The following DPP10 variants were observed in gnomAD, a reference collection of about 807,000 sequenced individuals.
DPP10 encodes inactive dipeptidyl peptidase 10.
In DPP10, 33 loss-of-function variants were observed where a neutral mutation model predicts 120.9. The observed-to-expected ratio is 0.27, with a 90% CI of 0.21 to 0.37. The LOEUF (loss-of-function observed/expected upper bound fraction) is 0.37. Ranked by LOEUF, DPP10 falls within the 10% of genes least tolerant of loss-of-function variation. The probability of loss-of-function intolerance (pLI) is 1.00; values close to 1 mark genes in which losing one functional copy is unlikely to be tolerated. For synonymous variants in DPP10, 337 were observed against 326.1 expected, an observed-to-expected ratio of 1.03 and a Z score of -0.36; for missense variants, 816 against 942.8, an observed-to-expected ratio of 0.87 and a Z score of 1.76.
chr2:114,891,959 G>T lies in DPP10; in HGVS notation c.61-417280G>T, dbSNP rs549279454. Among the ~76,000 whole-genome samples, 5 of 152,214 alleles carry T rather than the reference G, an allele frequency of 3.3e-5. No homozygotes were observed. The East Asian group carries it at 9.7e-4, about 29-fold the overall frequency. ...TGTCTGTCTGTCTGTCTGTCTGTCT[G>T]CCTGATTCATTGGCACATGTCTTTT... On this transcript the variant is annotated intron_variant, in intron 1 of 25. Transcript: ENST00000410059.
intron 1 of DPP10, among the ~76,000 whole-genome samples, chr2:115,174,885 C>G (rs891668829): frequency 2.6e-5 from 4 of 152,198 alleles, no homozygotes; most frequent in Non-Finnish European, 5.9e-5. Flanking sequence ...GCCAACATTG[C>G]TTGTCGGGTT....
intron 1 of DPP10, among the ~76,000 whole-genome samples, chr2:114,690,888 G>T (rs1699696245): frequency 6.6e-6 from 1 of 152,018 alleles, no homozygotes; most frequent in South Asian, 2.1e-4. Context: ...CAGTGCATAG[G>T]AATGCTAGCA....
intron 1 of DPP10, among the ~76,000 whole-genome samples, chr2:115,177,896 TGG>T (rs2053809918): frequency 1.3e-5 from 2 of 152,132 alleles, no homozygotes; most frequent in Non-Finnish European, 2.9e-5. Flanking sequence ...CCTGAGTACC[TGG>T]GACTACAGGT....
intron 1 of DPP10, among the ~76,000 whole-genome samples, chr2:114,648,324 G>A (rs748183356): frequency 6.0e-5 from 9 of 150,694 alleles, no homozygotes; most frequent in Non-Finnish European, 1.2e-4. Context: ...TAACTTGTTG[G>A]CTAGCAAGTA....
chr2:115,524,575 T>C (rs2078015166), intron 4 of DPP10, among the ~76,000 whole-genome samples: 1 of 152,134 alleles, frequency 6.6e-6, no homozygotes, highest in Non-Finnish European at 1.5e-5. Flanking sequence ...GCATGATTTA[T>C]TCAATCACTG....
At chr2:115,425,331 A>G (rs1337182087) in intron 3 of DPP10, among the ~76,000 whole-genome samples, 1 of 152,188 alleles carries the variant, frequency 6.6e-6, no homozygotes, top group African/African-American at 2.4e-5. Flanking sequence ...TCAACTAAGT[A>G]CTATTGTGTA....
intron 1 of DPP10, among the ~76,000 whole-genome samples, chr2:114,911,504 G>GTT (rs1694367017): frequency 6.6e-6 from 1 of 152,132 alleles, no homozygotes; most frequent in African/African-American, 2.4e-5. Flanking sequence ...TCATTGCAAG[G>GTT]TTCATAAGCT....
At chr2:115,799,382 C>T (rs1230611790) in intron 19 of DPP10, among the ~76,000 whole-genome samples, 1 of 151,762 alleles carries the variant, frequency 6.6e-6, no homozygotes, top group Non-Finnish European at 1.5e-5. Context: ...CAAAAAAAGT[C>T]CATCTATATA....
At chr2:114,595,775 T>G (rs767058699) in intron 1 of DPP10, among the ~76,000 whole-genome samples, 2 of 152,102 alleles carry the variant, frequency 1.3e-5, no homozygotes, top group Non-Finnish European at 2.9e-5. Context: ...CATTGTGGCC[T>G]AAACAAAGAG....
rs190909815 is a variant in DPP10, at chr2:115,202,626, C to A, written c.61-106613C>A. 4.8e-3 allele frequency among the ~76,000 whole-genome samples: 735 copies of A among 152,252 alleles called. 5 individuals are homozygous for A. The highest frequency in any genetic ancestry group is 0.016 in the African/African-American group (671 of 41,546). Reference sequence around the variant, plus strand: ...ATTCTGCATAGCTTTACTTGCTTTTCATATTTCTCTATGTAATGGGGATAT... The same window carrying A: ...ATTCTGCATAGCTTTACTTGCTTTTAATATTTCTCTATGTAATGGGGATAT... On this transcript the variant is annotated intron_variant, in intron 1 of 25. Transcript: ENST00000410059.
At chr2:114,782,209 A>G (rs1214402920) in intron 1 of DPP10, among the ~76,000 whole-genome samples, 1 of 151,774 alleles carries the variant, frequency 6.6e-6, no homozygotes, top group Non-Finnish European at 1.5e-5. Context: ...ATAGTCTTCT[A>G]TTTTTCTTTT....
chr2:114,688,543 G>A (rs1010422158), intron 1 of DPP10, among the ~76,000 whole-genome samples: 1 of 151,964 alleles, frequency 6.6e-6, no homozygotes, highest in African/African-American at 2.4e-5. Flanking sequence ...GGTCCTAGGA[G>A]ACAGCACTTT....
chr2:114,701,625 C>T lies in DPP10; in HGVS notation c.60+258787C>T, dbSNP rs1700388361. Among the ~76,000 whole-genome samples, 4 of 152,170 alleles carry T rather than the reference C, an allele frequency of 2.6e-5. No individual in the cohort carries two copies. In the South Asian group the frequency reaches 8.3e-4, roughly 32 times the overall value. ...AAAAGTATAATCAGTAATGTTAGTG[C>T]CACCCTTTGACAGAAGTTTATTTAA... On this transcript the variant is annotated intron_variant, in intron 1 of 25. Coordinates refer to ENST00000410059, the MANE Select transcript of DPP10 (RefSeq NM_020868.6).
At chr2:114,540,724 A>G (rs572882613) in intron 1 of DPP10, among the ~76,000 whole-genome samples, 1 of 152,338 alleles carries the variant, frequency 6.6e-6, no homozygotes, top group Admixed American at 6.5e-5. Context: ...GGGCTTAAGG[A>G]AAAGGAGTCT....
At chr2:115,210,205 G>A (rs1346216389) in intron 1 of DPP10, among the ~76,000 whole-genome samples, 2 of 152,046 alleles carry the variant, frequency 1.3e-5, no homozygotes, top group East Asian at 3.9e-4. Flanking sequence ...GGTGTGTGGT[G>A]TTCCCCATCC....
intron 3 of DPP10, among the ~76,000 whole-genome samples, chr2:115,475,612 G>A (rs1056777565): frequency 1.3e-5 from 2 of 152,102 alleles, no homozygotes; most frequent in African/African-American, 4.8e-5. Context: ...CCCCAGAATG[G>A]TAGATCCACC....
chr2:115,495,270 A>G (rs1351119075), intron 3 of DPP10, among the ~76,000 whole-genome samples: 1 of 149,546 alleles, frequency 6.7e-6, no homozygotes, highest in Non-Finnish European at 1.5e-5. Flanking sequence ...GAACACAGAA[A>G]GGCAGGAATC....
chr2:115,249,646 C>T (rs2058673470), intron 1 of DPP10, among the ~76,000 whole-genome samples: 1 of 152,120 alleles, frequency 6.6e-6, no homozygotes, highest in South Asian at 2.1e-4. Flanking sequence ...CTGCAGATAG[C>T]AAGCCTTTTG....
chr2:115,347,763 G>A (rs1297985051), intron 3 of DPP10, among the ~76,000 whole-genome samples: 3 of 152,040 alleles, frequency 2.0e-5, no homozygotes, highest in African/African-American at 7.2e-5. Flanking sequence ...ATAGTTTGCT[G>A]AGAATGATGG....
Sources: gnomAD v4.1 joint callset for allele counts (sites outside exome capture counted in the v4.1 genomes callset) on GRCh38, gnomAD v4.1.1 for gene constraint, MANE v1.5 for transcripts, NCBI Gene and HGNC (gene_info 2026-07-23, HGNC 2026-07-21) for gene names.